Variants in MPP7 observed in about 807,000 individuals in gnomAD.
MPP7 encodes MAGUK p55 subfamily member 7.
MPP7 carries 60 observed loss-of-function variants against 76.5 expected under a neutral mutation model. That is an observed-to-expected ratio of 0.78 (90% confidence interval 0.64 to 0.97). The LOEUF is 0.97. Ranked by LOEUF, MPP7 falls within the 50% of genes least tolerant of loss-of-function variation. The pLI, the probability that MPP7 is intolerant of heterozygous loss-of-function variation, is 0.00. For synonymous variants in MPP7, 237 were observed against 244.5 expected (o/e 0.97, Z 0.29); for missense variants, 641 against 694.0 (o/e 0.92, Z 0.86).
At chr10:28,291,847 T>C (rs890640051) in intron 1 of MPP7, among the ~76,000 whole-genome samples, 20 of 152,056 alleles carry the variant, frequency 1.3e-4, no homozygotes, top group African/African-American at 3.9e-4. Context: ...TAAGCTTTGT[T>C]TATTACTGAA....
rs111564002 is a variant in MPP7, at chr10:28,056,640, A to G, written c.1408-17T>C. Reference sequence around the variant, plus strand: ...CTTCACTGTCTACAAGGAAGAAAAGAAAGTTTTCTCACATTTCTCCATAGC... The same window carrying G: ...CTTCACTGTCTACAAGGAAGAAAAGGAAGTTTTCTCACATTTCTCCATAGC... On this transcript the variant is annotated splice_polypyrimidine_tract_variant and intron_variant, in intron 15 of 16. Coordinates refer to ENST00000683449, the MANE Select transcript of MPP7 (RefSeq NM_001318170.2). The G allele has an allele frequency of 1.8e-5, 27 of 1,532,390 alleles. No homozygotes were observed. The highest frequency in any genetic ancestry group is 1.0e-4 in the African/African-American group (7 of 69,988). 94.9% of individuals were successfully genotyped at this position (1,532,390 alleles called of 1,614,324 possible). A position where few individuals can be genotyped will look rare whatever the true frequency, so the allele number is the denominator to read the frequency against.
intron 1 of MPP7, among the ~76,000 whole-genome samples, chr10:28,248,671 A>C (rs958215070): frequency 3.9e-5 from 6 of 152,154 alleles, no homozygotes; most frequent in African/African-American, 1.4e-4. Flanking sequence ...ATCACACACC[A>C]CATATATGGC....
At chr10:28,165,643 G>A (rs2133841718) in intron 3 of MPP7, among the ~76,000 whole-genome samples, 1 of 152,050 alleles carries the variant, frequency 6.6e-6, no homozygotes, top group Middle Eastern at 3.4e-3. Flanking sequence ...CATCAAACCT[G>A]AAAAAACATG....
At chr10:28,254,744 A>G (rs1564735792) in intron 1 of MPP7, 1 of 152,224 alleles carries the variant, frequency 6.6e-6, no homozygotes, top group South Asian at 2.1e-4. Flanking sequence ...CTGAGAGGAA[A>G]AACAGGGAGA....
At chr10:28,288,306 C>T (rs1840833632) in intron 1 of MPP7, among the ~76,000 whole-genome samples, 1 of 152,140 alleles carries the variant, frequency 6.6e-6, no homozygotes, top group South Asian at 2.1e-4. Flanking sequence ...GTGGTGTGAT[C>T]ATGGTACACT....
chr10:28,065,334 A>G (rs1851947605), intron 13 of MPP7, among the ~76,000 whole-genome samples: 1 of 152,226 alleles, frequency 6.6e-6, no homozygotes, highest in Non-Finnish European at 1.5e-5. Flanking sequence ...ACATGCATTT[A>G]AAAGGTAATG....
intron 1 of MPP7, among the ~76,000 whole-genome samples, chr10:28,264,221 T>A (rs917668140): frequency 1.1e-4 from 16 of 151,486 alleles, no homozygotes; most frequent in Non-Finnish European, 2.2e-4. Flanking sequence ...ATGGCAGGAG[T>A]TCAAGGTTAC....
intron 1 of MPP7, among the ~76,000 whole-genome samples, chr10:28,275,495 C>T (rs1409163822): frequency 6.6e-6 from 1 of 152,006 alleles, no homozygotes; most frequent in Non-Finnish European, 1.5e-5. Context: ...CAACCTCCGC[C>T]TCCTGGGCTC....
intron 3 of MPP7, among the ~76,000 whole-genome samples, chr10:28,163,094 G>A (rs12766231): frequency 0.16 from 24,539 of 152,126 alleles, 2,307 homozygotes; most frequent in East Asian, 0.37. Flanking sequence ...AAGACGTCTT[G>A]AGGGTAGTGA....
intron 2 of MPP7, among the ~76,000 whole-genome samples, chr10:28,312,232 G>A (rs971178641): frequency 3.3e-5 from 5 of 152,246 alleles, no homozygotes; most frequent in Middle Eastern, 3.4e-3. Context: ...TCCTATCAGA[G>A]TGCCCTTTTT....
intron 11 of MPP7, among the ~76,000 whole-genome samples, chr10:28,111,996 CTG>C (rs1254785854): frequency 1.3e-5 from 2 of 152,230 alleles, no homozygotes; most frequent in African/African-American, 4.8e-5. Flanking sequence ...GTGTATACCA[CTG>C]TATTTTTATT....
intron 2 of MPP7, among the ~76,000 whole-genome samples, chr10:28,208,663 C>T (rs1838027103): frequency 6.6e-6 from 1 of 152,178 alleles, no homozygotes; most frequent in Admixed American, 6.5e-5. Flanking sequence ...ATCCAGTGCC[C>T]TCATCTGACA....
chr10:28,088,483 C>T (rs1421216881), intron 12 of MPP7, among the ~76,000 whole-genome samples: 2 of 152,124 alleles, frequency 1.3e-5, no homozygotes, highest in Non-Finnish European at 2.9e-5. Flanking sequence ...CCATGTGAAG[C>T]CCGCTCCTGT....
intron 3 of MPP7, among the ~76,000 whole-genome samples, chr10:28,152,269 T>G (rs1247595225): frequency 1.3e-5 from 2 of 152,180 alleles, no homozygotes; most frequent in African/African-American, 4.8e-5. Flanking sequence ...ATCAAACATT[T>G]TTTAAATGTT....
At chr10:28,074,605 C>T (rs1006192629) in intron 12 of MPP7, among the ~76,000 whole-genome samples, 1 of 152,090 alleles carries the variant, frequency 6.6e-6, no homozygotes, top group Non-Finnish European at 1.5e-5. Flanking sequence ...TCTAAAGCAG[C>T]CTTTATCCTT....
At chr10:28,223,259 G>C (rs1838579453) in intron 2 of MPP7, among the ~76,000 whole-genome samples, 1 of 152,172 alleles carries the variant, frequency 6.6e-6, no homozygotes, top group African/African-American at 2.4e-5. Flanking sequence ...GAAACTGCTA[G>C]GAAGCGAGGA....
intron 1 of MPP7, among the ~76,000 whole-genome samples, chr10:28,241,426 G>C (rs1839265276): frequency 6.6e-6 from 1 of 152,098 alleles, no homozygotes; most frequent in Admixed American, 6.5e-5. Context: ...TTAAAAAATG[G>C]TTTGACAGAA....
chr10:28,107,218 C>A (rs138543901), intron 11 of MPP7, among the ~76,000 whole-genome samples: 338 of 152,218 alleles, frequency 2.2e-3, no homozygotes, highest in African/African-American at 7.9e-3. Context: ...ATCCCCCATG[C>A]TACCTGGAAT....
chr10:28,064,162 A>G (rs1427813943), intron 13 of MPP7, among the ~76,000 whole-genome samples: 1 of 152,214 alleles, frequency 6.6e-6, no homozygotes, highest in Non-Finnish European at 1.5e-5. Flanking sequence ...ATAGCCAAAA[A>G]TAGGGGTAGA....
Sources: allele counts gnomAD v4.1 joint callset (sites outside exome capture counted in the v4.1 genomes callset), GRCh38; gene constraint gnomAD v4.1.1; transcripts MANE v1.5; gene names NCBI Gene and HGNC (gene_info 2026-07-23, HGNC 2026-07-21).